The following CHCHD6 variants were observed in gnomAD, a reference collection of about 807,000 sequenced individuals.
The protein encoded by CHCHD6 is MICOS complex subunit MIC25.
A neutral mutation model predicts 32.3 loss-of-function variants in CHCHD6; 28 were observed. That is an observed-to-expected ratio of 0.87 (90% CI 0.64 to 1.19). The LOEUF is 1.19. Among genes scored for constraint, CHCHD6 ranks in the 50% most tolerant of loss-of-function variants. CHCHD6 has a pLI of 0.00. For synonymous variants in CHCHD6, 122 were observed against 117.5 expected (o/e 1.04, Z -0.25); for missense variants, 333 against 307.0 (o/e 1.08, Z -0.63).
chr3:126,783,064 T>C (rs1384698706), intron 4 of CHCHD6, among the ~76,000 whole-genome samples: 1 of 152,316 alleles, frequency 6.6e-6, no homozygotes, highest in East Asian at 1.9e-4. Context: ...ATTCATCTTA[T>C]ATGTGAAAGT....
At chr3:126,943,156 C>T (rs541102926) in intron 6 of CHCHD6, among the ~76,000 whole-genome samples, 5 of 152,330 alleles carry the variant, frequency 3.3e-5, no homozygotes, top group South Asian at 2.1e-4. Flanking sequence ...TGGACCCCAC[C>T]GGCTGCCTTA....
At chr3:126,821,915 A>G (rs1940172417) in intron 4 of CHCHD6, among the ~76,000 whole-genome samples, 2 of 152,244 alleles carry the variant, frequency 1.3e-5, no homozygotes, top group South Asian at 4.1e-4. Context: ...ATATTAGTTT[A>G]TATGTCTTTT....
intron 4 of CHCHD6, among the ~76,000 whole-genome samples, chr3:126,769,781 C>T (rs1445419259): frequency 6.6e-6 from 1 of 152,180 alleles, no homozygotes; most frequent in African/African-American, 2.4e-5. Flanking sequence ...GCTGAGATTA[C>T]AGGCATGAGC....
At chr3:126,771,966 A>G (rs1480441948) in intron 4 of CHCHD6, among the ~76,000 whole-genome samples, 1 of 152,196 alleles carries the variant, frequency 6.6e-6, no homozygotes, top group East Asian at 1.9e-4. Flanking sequence ...GTAGATGTAT[A>G]TTAGGTCCAT....
chr3:126,913,371 A>G (rs1576594244), intron 5 of CHCHD6, among the ~76,000 whole-genome samples: 1 of 151,430 alleles, frequency 6.6e-6, no homozygotes, highest in Admixed American at 6.6e-5. Flanking sequence ...CTGGGATTAC[A>G]GGCACCCGCC....
At chr3:126,944,380 T>TTAA (rs2078604704) in intron 6 of CHCHD6, among the ~76,000 whole-genome samples, 1 of 152,288 alleles carries the variant, frequency 6.6e-6, no homozygotes, top group Admixed American at 6.5e-5. Flanking sequence ...TAATTATTGA[T>TTAA]GCTCTGCCTA....
chr3:126,952,338 A>T (rs573702558), intron 6 of CHCHD6, among the ~76,000 whole-genome samples: 6 of 151,962 alleles, frequency 3.9e-5, no homozygotes, highest in African/African-American at 1.4e-4. Context: ...GGAGGAGGAG[A>T]TGTTGGGATG....
chr3:126,792,143 C>T (rs1938575706), intron 4 of CHCHD6, among the ~76,000 whole-genome samples: 1 of 151,558 alleles, frequency 6.6e-6, no homozygotes, highest in Non-Finnish European at 1.5e-5. Context: ...GTTGCTTCTA[C>T]CTTTTGGCTA....
At chr3:126,951,954 G>C (rs1025221345) in intron 6 of CHCHD6, among the ~76,000 whole-genome samples, 13 of 152,144 alleles carry the variant, frequency 8.5e-5, no homozygotes, top group African/African-American at 2.9e-4. Context: ...AGACATTGTG[G>C]GTTTGTTTTT....
At chr3:126,732,881 G>T (rs1935872529) in intron 3 of CHCHD6, among the ~76,000 whole-genome samples, 197 bp from the exon 4 acceptor site, 1 of 152,150 alleles carries the variant, frequency 6.6e-6, no homozygotes, top group Non-Finnish European at 1.5e-5. Context: ...CTTGTCTGGG[G>T]AGCTGTCACT....
chr3:126,934,183 A>G (rs1172958038), intron 6 of CHCHD6, among the ~76,000 whole-genome samples: 1 of 152,220 alleles, frequency 6.6e-6, no homozygotes, highest in African/African-American at 2.4e-5. Flanking sequence ...GTCAAAGACA[A>G]GCTCCTACCA....
intron 5 of CHCHD6, among the ~76,000 whole-genome samples, chr3:126,905,735 A>G (rs1031005313): frequency 2.0e-5 from 3 of 152,146 alleles, no homozygotes; most frequent in Non-Finnish European, 4.4e-5. Context: ...AGTGACAGTG[A>G]ACAGAAAGGG....
chr3:126,882,678 G>T (rs1212926090), intron 5 of CHCHD6, among the ~76,000 whole-genome samples: 4 of 152,164 alleles, frequency 2.6e-5, no homozygotes, highest in African/African-American at 9.7e-5. Flanking sequence ...CTTTATACAA[G>T]AGCAACTTGA....
intron 5 of CHCHD6, among the ~76,000 whole-genome samples, chr3:126,880,789 T>C (rs192387658): frequency 7.9e-5 from 12 of 152,272 alleles, no homozygotes; most frequent in Non-Finnish European, 1.3e-4. Context: ...TTTTTTTTCA[T>C]GTTTTACTGG....
chr3:126,935,509 G>A (rs1024663881), intron 6 of CHCHD6, among the ~76,000 whole-genome samples: 1 of 152,250 alleles, frequency 6.6e-6, no homozygotes, highest in African/African-American at 2.4e-5. Flanking sequence ...TGGGGCTGGT[G>A]AGTGCAGAGT....
intron 4 of CHCHD6, among the ~76,000 whole-genome samples, chr3:126,788,136 T>G (rs1938319699): frequency 6.6e-6 from 1 of 152,236 alleles, no homozygotes. Context: ...TTTATTGATT[T>G]GCGTATGTTG....
chr3:126,825,650 T>G (rs1940356836), intron 4 of CHCHD6, among the ~76,000 whole-genome samples: 1 of 152,214 alleles, frequency 6.6e-6, no homozygotes, highest in African/African-American at 2.4e-5. Flanking sequence ...TAAAATATCT[T>G]TCTTTATCTC....
intron 1 of CHCHD6, among the ~76,000 whole-genome samples, chr3:126,704,900 G>T (rs4679282): frequency 0.18 from 27,525 of 152,070 alleles, 2,727 homozygotes; most frequent in South Asian, 0.35. Context: ...CCTCCAGTGG[G>T]TTCCTAGCGC....
chr3:126,761,229 C>T (rs1559828234), intron 4 of CHCHD6, among the ~76,000 whole-genome samples: 1 of 152,158 alleles, frequency 6.6e-6, no homozygotes. Context: ...TTTTCTATAG[C>T]AGCTGCACCA....
Sources: gnomAD v4.1 joint callset for allele counts (sites outside exome capture counted in the v4.1 genomes callset) on GRCh38, gnomAD v4.1.1 for gene constraint, MANE v1.5 for transcripts, NCBI Gene and HGNC (gene_info 2026-07-23, HGNC 2026-07-21) for gene names.